TNIK: variants seen among roughly 807,000 people sequenced by gnomAD.
TNIK encodes the protein TRAF2 and NCK-interacting protein kinase.
TNIK carries 49 observed loss-of-function variants against 191.3 expected under a neutral mutation model. That is an observed-to-expected ratio of 0.26 (90% CI 0.20 to 0.32). The LOEUF (loss-of-function observed/expected upper bound fraction) is 0.32, where lower values mean the gene tolerates loss of function less well. Among genes scored for constraint, TNIK ranks in the 10% least tolerant of loss-of-function variants. The pLI is 1.00. For missense variants in TNIK, 1,155 were observed against 1,702.3 expected (o/e 0.68, Z 5.66); for synonymous variants, 594 against 600.9 (o/e 0.99, Z 0.17).
rs1286574846 is a variant in TNIK at position 171,128,847 on chromosome 3, C to A, written c.1640G>T (p.Ser547Ile). 1 of 1,539,124 alleles carries A rather than the reference C, an allele frequency of 6.5e-7. No individual in the cohort carries two copies. The highest frequency in any genetic ancestry group is 8.7e-7 in the Non-Finnish European group (1 of 1,143,108). ...AACCTTGTGAGGCATGGCAGGGGAA[C>A]TTTGCCGGTTGAGCCTTGACCGTTC... ...VEERSRLNRQ[S>I]SPAMPHKVAN... Residue 547 changes from serine (S) to isoleucine (I), a missense_variant, in exon 16 of 33, where the codon AGT (serine) becomes ATT (isoleucine). This residue lies in a region of TNIK where 735 missense variants were observed against 848.0 expected (regional missense o/e 0.87). Transcript: ENST00000436636.
chr3:171,436,488 G>C (rs1726047525), intron 1 of TNIK, among the ~76,000 whole-genome samples: 1 of 152,266 alleles, frequency 6.6e-6, no homozygotes, highest in Non-Finnish European at 1.5e-5. Context: ...CATTTCATAG[G>C]TGTAGAAAAG....
intron 2 of TNIK, among the ~76,000 whole-genome samples, chr3:171,308,065 G>GA: frequency 6.6e-6 from 1 of 151,988 alleles, no homozygotes; most frequent in East Asian, 1.9e-4. Flanking sequence ...CACAGAATTA[G>GA]AAAAAACTAT....
chr3:171,333,282 G>A (rs1291588928), intron 2 of TNIK, among the ~76,000 whole-genome samples: 3 of 151,986 alleles, frequency 2.0e-5, no homozygotes, highest in East Asian at 1.9e-4. Flanking sequence ...CAGGCCGGGC[G>A]CAGTGGTTCA....
chr3:171,183,793 C>T (rs979405673), intron 7 of TNIK, among the ~76,000 whole-genome samples: 9 of 151,820 alleles, frequency 5.9e-5, no homozygotes, highest in East Asian at 3.9e-4. Context: ...TGGTGGCGGG[C>T]GCCTGTAATC....
chr3:171,255,225 G>A (rs1271823114), intron 2 of TNIK, among the ~76,000 whole-genome samples: 2 of 152,170 alleles, frequency 1.3e-5, no homozygotes, highest in Non-Finnish European at 2.9e-5. Flanking sequence ...AACCTGATAT[G>A]AGCAGAGAAA....
At position 171,160,356 on chromosome 3, in the gene TNIK, A is replaced by G. The variant is rs1387764858; in HGVS notation, c.1016+914T>C. On this transcript the variant is annotated intron_variant, in intron 11 of 32. Transcript: ENST00000436636. ...CACATGGTATCTGGCTCATTCTAGC[A>G]GTGGTGGCTAAGCTGGCCCCTTTTC... is the stretch of plus-strand genomic sequence containing the variant. Among the ~76,000 whole-genome samples the G allele has an allele frequency of 2.6e-5, 4 of 152,124 alleles. No homozygotes were observed. The East Asian group carries it at 7.7e-4, about 29-fold the overall frequency.
At chr3:171,353,424 G>T (rs2108444850) in intron 2 of TNIK, among the ~76,000 whole-genome samples, 1 of 152,296 alleles carries the variant, frequency 6.6e-6, no homozygotes, top group Admixed American at 6.5e-5. Context: ...TTATGATGTT[G>T]CGGAAGCCTG....
chr3:171,117,887 C>G (rs1029888870), intron 18 of TNIK, among the ~76,000 whole-genome samples: 27 of 151,974 alleles, frequency 1.8e-4, no homozygotes, highest in African/African-American at 6.5e-4. Flanking sequence ...GGAGAATCGC[C>G]TGAACCTGGG....
chr3:171,332,755 C>G (rs902591157), intron 2 of TNIK, among the ~76,000 whole-genome samples: 3 of 152,128 alleles, frequency 2.0e-5, no homozygotes, highest in Non-Finnish European at 4.4e-5. Flanking sequence ...AGGCTAGACA[C>G]ATAAAAGAAT....
intron 2 of TNIK, among the ~76,000 whole-genome samples, chr3:171,336,849 A>C (rs1197302833): frequency 6.6e-6 from 1 of 152,238 alleles, no homozygotes; most frequent in Non-Finnish European, 1.5e-5. Flanking sequence ...GCTCTAATGC[A>C]GTGCTCTAAA....
intron 27 of TNIK, 26 bp downstream of exon 27, chr3:171,082,225 G>A: frequency 6.2e-7 from 1 of 1,606,666 alleles, no homozygotes. Context: ...TATGGACCTG[G>A]GGGACTCATC....
At chr3:171,371,921 T>C (rs1425280326) in intron 1 of TNIK, among the ~76,000 whole-genome samples, 1 of 146,868 alleles carries the variant, frequency 6.8e-6, no homozygotes, top group East Asian at 2.0e-4. Context: ...TTTTCAACAT[T>C]CATTTTTCTT....
At chr3:171,214,719 G>A (rs1741255624) in intron 3 of TNIK, among the ~76,000 whole-genome samples, 1 of 152,054 alleles carries the variant, frequency 6.6e-6, no homozygotes, top group South Asian at 2.1e-4. Context: ...TAAATCAGAT[G>A]ACTTCCAAAT....
intron 28 of TNIK, among the ~76,000 whole-genome samples, chr3:171,075,593 C>T (rs993073045): frequency 6.6e-6 from 1 of 152,176 alleles, no homozygotes; most frequent in Non-Finnish European, 1.5e-5. Context: ...GTCCTTTGAA[C>T]ATCCATTCCT....
rs1231103661 is a variant in TNIK at position 171,175,319 on chromosome 3, T to A, written c.706A>T (p.Met236Leu). 12 of 1,610,322 alleles carry A rather than the reference T, an allele frequency of 7.5e-6. No individual in the cohort carries two copies. The highest frequency in any genetic ancestry group is 9.3e-6 in the Non-Finnish European group (11 of 1,178,608). Residue 236 changes from methionine to leucine, a missense_variant, in exon 9 of 33, where the codon ATG becomes TTG. This residue lies in a region of TNIK where 225 missense variants were observed against 438.9 expected (regional missense o/e 0.51). Coordinates refer to ENST00000436636, the MANE Select transcript of TNIK (RefSeq NM_015028.4). ...AGGAAGAGAGCTCTCATGGGGTGCA[T>A]GTCACAGAGAGCTGCAAGAGACCAA... ...MAEGAPPLCD[M>L]HPMRALFLIP...
intron 1 of TNIK, among the ~76,000 whole-genome samples, chr3:171,371,052 G>A (rs998746108): frequency 1.3e-5 from 2 of 152,046 alleles, no homozygotes; most frequent in African/African-American, 2.4e-5. Flanking sequence ...AGGAGACCCC[G>A]AGAAAGCAAC....
In TNIK at chr3:171,062,359, C is replaced by T. The variant is rs1351827972; in HGVS notation, c.*1522G>A. On this transcript the variant is annotated 3_prime_UTR_variant, in exon 33 of 33. Transcript: ENST00000436636. ...CTCTCTATATGTCTCCTGGAGATAA[C>T]ACTGCTGTGATGAACAGTGAAACAA... 4 of 152,088 alleles carry T rather than the reference C, an allele frequency of 2.6e-5. No homozygotes were observed. The highest frequency in any genetic ancestry group is 5.9e-5 in the Non-Finnish European group (4 of 68,030). 9.4% of individuals were successfully genotyped at this position (152,088 alleles called of 1,614,324 possible).
chr3:171,272,209 T>G (rs1382130119), intron 2 of TNIK, among the ~76,000 whole-genome samples: 4 of 152,212 alleles, frequency 2.6e-5, no homozygotes, highest in Non-Finnish European at 4.4e-5. Flanking sequence ...CCCACCCGAC[T>G]GGAGCCATGA....
intron 2 of TNIK, among the ~76,000 whole-genome samples, chr3:171,285,435 T>C (rs1750907022): frequency 6.6e-6 from 1 of 151,838 alleles, no homozygotes; most frequent in South Asian, 2.1e-4. Flanking sequence ...GGTGGTGTGG[T>C]AGAGTGGAAA....
Sources: gnomAD v4.1 joint callset for allele counts (sites outside exome capture counted in the v4.1 genomes callset) on GRCh38, gnomAD v4.1.1 for gene constraint, gnomAD v4.1.1 regional missense constraint, MANE v1.5 for transcripts, NCBI Gene and HGNC (gene_info 2026-07-23, HGNC 2026-07-21) for gene names.